Variants in STX5 observed in about 807,000 individuals in gnomAD.
STX5 encodes the protein syntaxin-5.
STX5 carries 15 observed loss-of-function variants against 42.9 expected under a neutral mutation model. The observed-to-expected ratio is 0.35, with a 90% CI of 0.23 to 0.54. STX5 has a LOEUF of 0.54. STX5 is among the 20% of genes least tolerant of loss of function. STX5 has a pLI of 0.91. For synonymous variants in STX5, 184 were observed against 173.2 expected (o/e 1.06, Z -0.49); for missense variants, 430 against 455.0 (o/e 0.95, Z 0.50).
chr11:62,827,433 G>A, intron 3 of STX5, 35 bp from the exon 4 acceptor site: 3 of 1,613,892 alleles, frequency 1.9e-6, no homozygotes, highest in Non-Finnish European at 2.5e-6. Context: ...GTGGGAAAGG[G>A]CAGGACGCCT....
In STX5 at chr11:62,807,454, CAGAGT is replaced by C. The variant is rs1269602168; in HGVS notation, c.*10_*14del. ...GGTCCCAAACCCCAACAGAGTGCCT[CAGAGT>C]AGAGAGGGTTCAAGCAAGGAAGACC... On this transcript the variant is annotated 3_prime_UTR_variant, in exon 11 of 11. Transcript: ENST00000294179. The C allele has an allele frequency of 1.2e-6, 2 of 1,611,992 alleles. No individual in the cohort carries two copies. The highest frequency in any genetic ancestry group is 2.7e-5 in the African/African-American group (2 of 74,840).
intron 2 of STX5, among the ~76,000 whole-genome samples, chr11:62,830,162 CTTTTT>C (rs201147713): frequency 1.5e-5 from 2 of 137,806 alleles, no homozygotes. Context: ...CCACGTCCAG[CTTTTT>C]TTTTTTTTTT....
At chr11:62,822,455 C>G (rs1426443641) in intron 10 of STX5, among the ~76,000 whole-genome samples, 2 of 152,134 alleles carry the variant, frequency 1.3e-5, no homozygotes, top group Non-Finnish European at 2.9e-5. Flanking sequence ...CTCACAGTTC[C>G]CCTCTGACCA....
At position 62,823,217 on chromosome 11, in the gene STX5, CAG is replaced by C. The variant is rs1035067723; in HGVS notation, c.908+947_908+948del. ...TGAGATGGGGTCTTGCTCTGTCACT[CAG>C]ACTGGAGCGCAGTGGTTCCATCATG... On this transcript the variant is annotated intron_variant, in intron 10 of 10. Transcript: ENST00000294179. 5.0e-4 allele frequency among the ~76,000 whole-genome samples: 76 copies of C among 151,786 alleles called. 1 individual carries two copies. Among genetic ancestry groups the C allele is most frequent in the African/African-American group, 1.7e-3 (69 of 41,440 alleles).
chr11:62,831,989 A>G lies in STX5; in HGVS notation c.-55T>C, dbSNP rs1432309341. 2.1e-6 allele frequency: 1 copy of G among 465,138 alleles called. No homozygotes were observed. Among genetic ancestry groups the G allele is most frequent in the African/African-American group, 2.0e-5 (1 of 50,300 alleles). The allele number at this position is 465,138 out of a possible 1,614,324, so 28.8% of individuals were successfully genotyped here. On this transcript the variant is annotated 5_prime_UTR_variant, in exon 1 of 11. Coordinates refer to ENST00000294179, the MANE Select transcript of STX5 (RefSeq NM_003164.5). ...CCGCCTGCCGCCGCCGCCACTTCCA[A>G]TCTCACCGGCCGTCACTGCCTCCTC...
In STX5 at chr11:62,807,522, T is replaced by C; in HGVS notation, c.1015A>G (p.Ile339Val). The C allele has an allele frequency of 1.2e-6, 2 of 1,614,048 alleles. No homozygotes were observed. Among genetic ancestry groups the C allele is most frequent in the Non-Finnish European group, 1.7e-6 (2 of 1,179,984 alleles). Residue 339 changes from isoleucine to valine, a missense_variant, in exon 11 of 11, where the codon ATC becomes GTC. Ile to Val is a conservative substitution (Grantham distance 29). Coordinates refer to ENST00000294179, the MANE Select transcript of STX5 (RefSeq NM_003164.5). ...VTSNRWLMVK[I>V]FLILIVFFII... Reference sequence around the variant, plus strand: ...AAGAAGACAATGAGGATGAGGAAGATTTTGACCATGAGCCACCGGTTGGAG... The same window carrying C: ...AAGAAGACAATGAGGATGAGGAAGACTTTGACCATGAGCCACCGGTTGGAG...
In STX5 at chr11:62,832,028, G is replaced by A. The variant is rs1390530142; in HGVS notation, c.-94C>T. 1 of 480,644 alleles carries A rather than the reference G, an allele frequency of 2.1e-6. No homozygotes were observed. The highest frequency in any genetic ancestry group is 4.1e-6 in the Non-Finnish European group (1 of 243,812). 29.8% of individuals were successfully genotyped at this position (480,644 alleles called of 1,614,324 possible). On this transcript the variant is annotated 5_prime_UTR_variant, in exon 1 of 11. Coordinates refer to ENST00000294179, the MANE Select transcript of STX5 (RefSeq NM_003164.5). ...CACTGCCTCCTCCCCGAGCACTGAA[G>A]CCGCCGAAACCCGACCAAAGACTGG...
At chr11:62,811,658 C>CT (rs1280875296) in intron 10 of STX5, among the ~76,000 whole-genome samples, 3,859 of 143,022 alleles carry the variant, frequency 0.027, 163 homozygotes, top group African/African-American at 0.088. Flanking sequence ...TCTCTCATCC[C>CT]TTTTTTTTTT....
chr11:62,822,884 G>A (rs2084755177), intron 10 of STX5, among the ~76,000 whole-genome samples: 1 of 152,084 alleles, frequency 6.6e-6, no homozygotes, highest in Admixed American at 6.5e-5. Flanking sequence ...AGTAGCAGGA[G>A]GCACCAGAGG....
At chr11:62,808,555 C>A (rs190908926) in intron 10 of STX5, among the ~76,000 whole-genome samples, 2 of 151,996 alleles carry the variant, frequency 1.3e-5, no homozygotes, top group African/African-American at 2.4e-5. Context: ...TGGAGACCAG[C>A]TTGAACAACA....
intron 2 of STX5, 27 bp downstream of exon 2, chr11:62,830,992 C>T: frequency 2.0e-6 from 3 of 1,535,042 alleles, no homozygotes; most frequent in Non-Finnish European, 2.6e-6. Context: ...AGGCTCACTC[C>T]TCGCCTTTTC....
intron 5 of STX5, among the ~76,000 whole-genome samples, chr11:62,826,879 CAAAAAAA>C (rs34108643): frequency 3.0e-5 from 2 of 65,650 alleles, no homozygotes; most frequent in Non-Finnish European, 6.0e-5. Flanking sequence ...AACTCTGCCT[CAAAAAAA>C]AAAAAAAAAA....
At chr11:62,818,209 C>A (rs1306944507) in intron 10 of STX5, among the ~76,000 whole-genome samples, 1 of 134,572 alleles carries the variant, frequency 7.4e-6, no homozygotes, top group Non-Finnish European at 1.5e-5. Flanking sequence ...CGCACCACTG[C>A]ATGCTGGCCT....
Position 62,831,116 on chromosome 11 carries a change from G to A in STX5, c.128C>T (p.Pro43Leu), listed in dbSNP as rs7122269. ...SSSSDIAPLP[P>L]PVTLVPPPPD... ...AGGGGGAGGGACGAGGGTCACTGGGGGGGGCAGAGGGGCGATGTCGCTGCT... is the reference window on the plus strand; with the variant it reads ...AGGGGGAGGGACGAGGGTCACTGGGAGGGGCAGAGGGGCGATGTCGCTGCT... The change falls in exon 2 of 11, where the codon CCC becomes CTC. Residue 43 changes from proline (P) to leucine (L), a missense_variant. Physicochemically the swap from Pro to Leu is moderately conservative, Grantham distance 98. Transcript: ENST00000294179. The A allele has an allele frequency of 5.8e-6, 9 of 1,554,842 alleles. No individual in the cohort carries two copies. The highest frequency in any genetic ancestry group is 7.8e-6 in the Non-Finnish European group (9 of 1,149,224).
chr11:62,830,707 T>G (rs141994491), intron 2 of STX5, among the ~76,000 whole-genome samples: 2 of 152,204 alleles, frequency 1.3e-5, no homozygotes, highest in Non-Finnish European at 2.9e-5. Flanking sequence ...GTTTCTCAGC[T>G]AAAGGCTCTT....
intron 10 of STX5, among the ~76,000 whole-genome samples, chr11:62,819,510 T>C (rs1219432634): frequency 2.6e-5 from 4 of 151,988 alleles, no homozygotes; most frequent in Non-Finnish European, 5.9e-5. Flanking sequence ...TTAAAATACA[T>C]TTAACTTTTT....
intron 10 of STX5, among the ~76,000 whole-genome samples, chr11:62,817,835 A>C (rs1203009108): frequency 6.6e-6 from 1 of 152,204 alleles, no homozygotes; most frequent in Non-Finnish European, 1.5e-5. Context: ...CATAAAATAA[A>C]TATAAACTTA....
intron 10 of STX5, among the ~76,000 whole-genome samples, chr11:62,823,316 A>G (rs2084760459): frequency 6.6e-6 from 1 of 151,864 alleles, no homozygotes; most frequent in Admixed American, 6.6e-5. Context: ...CTGGAACCAC[A>G]GGCACACGCA....
intron 1 of STX5, 45 bp from the exon 2 acceptor site, chr11:62,831,307 C>T (rs945071639): frequency 4.8e-5 from 65 of 1,340,224 alleles, no homozygotes; most frequent in Non-Finnish European, 5.7e-5. Context: ...ACTTCTTTAC[C>T]CAAACTCCCC....
Sources: allele counts gnomAD v4.1 joint callset (sites outside exome capture counted in the v4.1 genomes callset), GRCh38; gene constraint gnomAD v4.1.1; transcripts MANE v1.5; gene names NCBI Gene and HGNC (gene_info 2026-07-23, HGNC 2026-07-21).